FRMD8: variants seen among roughly 807,000 people sequenced by gnomAD.
FRMD8 encodes the protein FERM domain containing 8, also known as FERM domain-containing protein 8.
In FRMD8, 37 loss-of-function variants were observed where a neutral mutation model predicts 54.2. The observed-to-expected ratio is 0.68, with a 90% CI of 0.53 to 0.90. The LOEUF is 0.90. Ranked by LOEUF, FRMD8 falls within the 40% of genes least tolerant of loss-of-function variation. FRMD8 has a pLI of 0.00. For missense variants in FRMD8, 585 were observed against 653.7 expected (o/e 0.89, Z 1.15); for synonymous variants, 246 against 286.9 (o/e 0.86, Z 1.44).
At chr11:65,368,041 C>T in the FRMD8 span, 1 of 150,614 alleles carries the variant, frequency 6.6e-6, no homozygotes, top group East Asian at 1.9e-4. Flanking sequence ...CCACCATACC[C>T]AGGTAAGTTT....
At chr11:65,407,043 A>C (rs954552027) in intron 10 of FRMD8, among the ~76,000 whole-genome samples, 2 of 151,832 alleles carry the variant, frequency 1.3e-5, no homozygotes, top group Non-Finnish European at 2.9e-5. Context: ...ATTGAAGTCC[A>C]AAAGAATTTT....
At chr11:65,374,194 A>C in the FRMD8 span, among the ~76,000 whole-genome samples, 1 of 151,972 alleles carries the variant, frequency 6.6e-6, no homozygotes, top group East Asian at 1.9e-4. Context: ...CATCTGCAGC[A>C]CATGATCTGG....
chr11:65,389,436 C>T lies in FRMD8; in HGVS notation c.161C>T (p.Ala54Val). 2 of 1,610,164 alleles carry T rather than the reference C, an allele frequency of 1.2e-6. No homozygotes were observed. Among genetic ancestry groups the T allele is most frequent in the East Asian group, 2.2e-5 (1 of 44,886 alleles). ...GTGGAGAACCTGCCCTCGCTCAGTG[C>T]CCATGAGCTGCACCGCGCTGTCCGC... Reference protein sequence around the residue: ...LAVENLPSLSAHELHRAVREV... With the variant: ...LAVENLPSLSVHELHRAVREV... Residue 54 changes from alanine (A) to valine (V), a missense_variant, in exon 3 of 11, where the codon GCC becomes GTC. By Grantham distance (64) the Ala-to-Val change is moderately conservative. Coordinates refer to ENST00000317568, the MANE Select transcript of FRMD8 (RefSeq NM_031904.5).
Position 65,389,251 on chromosome 11 carries a change from G to T in FRMD8, c.86-110G>T. Reference sequence around the variant, plus strand: ...AGCGTAGCCCTGGTCACCCCTGAGGGGTGTAGGGTGGGGGCTCCAGCCCCA... The same window carrying T: ...AGCGTAGCCCTGGTCACCCCTGAGGTGTGTAGGGTGGGGGCTCCAGCCCCA... On this transcript the variant is annotated intron_variant, in intron 2 of 10. Coordinates refer to ENST00000317568, the MANE Select transcript of FRMD8 (RefSeq NM_031904.5). The T allele has an allele frequency of 5.9e-6, 6 of 1,023,040 alleles. No homozygotes were observed. In the South Asian group the frequency reaches 8.2e-5, roughly 14 times the overall value. 63.4% of individuals were successfully genotyped at this position (1,023,040 alleles called of 1,614,324 possible). A position where few individuals can be genotyped will look rare whatever the true frequency, so the allele number is the denominator to read the frequency against.
chr11:65,374,889 T>G, the FRMD8 span, among the ~76,000 whole-genome samples: 2,773 of 151,820 alleles, frequency 0.018, 24 homozygotes, highest in Non-Finnish European at 0.026. Context: ...ATCACTTGAG[T>G]CCAGGAGTTC....
chr11:65,374,811 T>A, the FRMD8 span, among the ~76,000 whole-genome samples: 1 of 151,324 alleles, frequency 6.6e-6, no homozygotes, highest in African/African-American at 2.4e-5. Flanking sequence ...TACAAAAAAA[T>A]TAAAAATTAG....
chr11:65,376,627 C>A, the FRMD8 span: 10 of 1,614,030 alleles, frequency 6.2e-6, no homozygotes, highest in Non-Finnish European at 7.6e-6. Context: ...GGCTGCCACC[C>A]AGGAAGCAAT....
chr11:65,398,352 C>T (rs184526651), intron 7 of FRMD8, among the ~76,000 whole-genome samples: 245 of 152,336 alleles, frequency 1.6e-3, no homozygotes, highest in African/African-American at 4.2e-3. Context: ...GCCCCACTGG[C>T]GACTTCGAGT....
Position 65,411,304 on chromosome 11 carries a change from T to G in FRMD8, c.1339T>G (p.Leu447Val), listed in dbSNP as rs756817486. 4 of 1,609,534 alleles carry G rather than the reference T, an allele frequency of 2.5e-6. No homozygotes were observed. The highest frequency in any genetic ancestry group is 3.4e-6 in the Non-Finnish European group (4 of 1,179,234). Reference protein sequence around the residue: ...TTSFFSRQLSLGQGSYTVVQP... With the variant: ...TTSFFSRQLSVGQGSYTVVQP... ...ATCCTTCTTCAGCCGGCAGCTGTCC[T>G]TGGGCCAGGGGAGCTACACCGTGGT... Residue 447 changes from leucine (L) to valine (V), a missense_variant, in exon 11 of 11, where the codon TTG becomes GTG. Coordinates refer to ENST00000317568, the MANE Select transcript of FRMD8 (RefSeq NM_031904.5).
intron 10 of FRMD8, among the ~76,000 whole-genome samples, chr11:65,408,160 C>A (rs1308229560): frequency 6.6e-6 from 1 of 151,522 alleles, no homozygotes; most frequent in Non-Finnish European, 1.5e-5. Flanking sequence ...CCGCAACCTC[C>A]ACCTCCCGGG....
At chr11:65,373,547 G>A in the FRMD8 span, among the ~76,000 whole-genome samples, 5 of 152,156 alleles carry the variant, frequency 3.3e-5, no homozygotes, top group African/African-American at 1.2e-4. Flanking sequence ...TGGTAGGTCT[G>A]GGGTGGGGCC....
chr11:65,394,237 T>G, intron 5 of FRMD8, 22 bp from the exon 6 acceptor site: 1 of 1,595,078 alleles, frequency 6.3e-7, no homozygotes. Context: ...TGAGCGGCTG[T>G]CCCTGCCACA....
At chr11:65,395,820 C>T (rs1384185468) in intron 6 of FRMD8, among the ~76,000 whole-genome samples, 5 of 152,260 alleles carry the variant, frequency 3.3e-5, no homozygotes, top group South Asian at 2.1e-4. Flanking sequence ...GAAATCCCAA[C>T]GTTCCTGACT....
At chr11:65,374,003 A>G in the FRMD8 span, among the ~76,000 whole-genome samples, 18 of 142,374 alleles carry the variant, frequency 1.3e-4, no homozygotes, top group South Asian at 2.3e-4. Flanking sequence ...AACTGTTGCA[A>G]CAAGGGCCTA....
intron 9 of FRMD8, among the ~76,000 whole-genome samples, chr11:65,402,155 C>A (rs949266675): frequency 5.3e-5 from 8 of 151,998 alleles, no homozygotes; most frequent in African/African-American, 1.9e-4. Context: ...TCAAGACCAG[C>A]CTGGCCAACA....
upstream of FRMD8, among the ~76,000 whole-genome samples, chr11:65,385,568 T>C (rs1023978920): frequency 6.6e-6 from 1 of 152,132 alleles, no homozygotes; most frequent in African/African-American, 2.4e-5. Context: ...TTTTTCTCCC[T>C]GAGTTCCACA....
At chr11:65,376,613 G>C in the FRMD8 span, 1 of 1,614,064 alleles carries the variant, frequency 6.2e-7, no homozygotes, top group South Asian at 1.1e-5. Context: ...ATGTCTAAGG[G>C]CGTGGCTGCC....
intron 9 of FRMD8, among the ~76,000 whole-genome samples, chr11:65,403,221 C>T (rs898563785): frequency 9.9e-5 from 15 of 151,638 alleles, no homozygotes; most frequent in Admixed American, 2.6e-4. Flanking sequence ...CTCACTCTGT[C>T]GCCCAGGCTG....
the FRMD8 span, among the ~76,000 whole-genome samples, chr11:65,371,835 C>G: frequency 6.6e-6 from 1 of 152,010 alleles, no homozygotes; most frequent in African/African-American, 2.4e-5. Flanking sequence ...AGGATGGTCT[C>G]GATCTCCTGA....
Sources: allele counts gnomAD v4.1 joint callset (sites outside exome capture counted in the v4.1 genomes callset), GRCh38; gene constraint gnomAD v4.1.1; transcripts MANE v1.5; gene names NCBI Gene and HGNC (gene_info 2026-07-23, HGNC 2026-07-21).